DCC: variants seen among roughly 807,000 people sequenced by gnomAD.
The protein encoded by DCC is DCC netrin 1 receptor, also known as netrin receptor DCC.
In DCC, 58 loss-of-function variants were observed where a neutral mutation model predicts 172.5. That is an observed-to-expected ratio of 0.34 (90% CI 0.27 to 0.42). The LOEUF is 0.42. Ranked by LOEUF, DCC falls within the 10% of genes least tolerant of loss-of-function variation. DCC has a pLI of 1.00. For synonymous variants in DCC, 709 were observed against 644.5 expected, an observed-to-expected ratio of 1.10 and a Z score of -1.52; for missense variants, 1,740 against 1,791.0, an observed-to-expected ratio of 0.97 and a Z score of 0.51.
chr18:53,000,853 C>T (rs2041554905), intron 5 of DCC, among the ~76,000 whole-genome samples: 1 of 151,884 alleles, frequency 6.6e-6, no homozygotes, highest in Non-Finnish European at 1.5e-5. Flanking sequence ...TACTTGAATG[C>T]ATTATATTAA....
At chr18:52,893,251 G>A (rs1205397079) in intron 2 of DCC, among the ~76,000 whole-genome samples, 1 of 152,050 alleles carries the variant, frequency 6.6e-6, no homozygotes, top group Non-Finnish European at 1.5e-5. Flanking sequence ...ATATTGAGAA[G>A]AGGGTAGTCC....
At chr18:53,389,861 G>A (rs920365478) in intron 16 of DCC, among the ~76,000 whole-genome samples, 3 of 152,136 alleles carry the variant, frequency 2.0e-5, no homozygotes, top group Non-Finnish European at 2.9e-5. Flanking sequence ...ATTTCAAAAC[G>A]TTATGTATGG....
chr18:53,004,254 A>T (rs927042520), intron 5 of DCC, among the ~76,000 whole-genome samples: 9 of 152,208 alleles, frequency 5.9e-5, no homozygotes, highest in African/African-American at 2.2e-4. Context: ...AGCTTTTATC[A>T]GATTTTGAAA....
chr18:52,731,636 C>T (rs8084694), intron 1 of DCC, among the ~76,000 whole-genome samples: 148,918 of 152,272 alleles, frequency 0.98, 72,894 homozygotes, highest in East Asian at 1. Flanking sequence ...ATGTAAACAG[C>T]GATTGACTTC....
At chr18:53,320,350 GC>G (rs1290713710) in intron 13 of DCC, among the ~76,000 whole-genome samples, 3 of 152,140 alleles carry the variant, frequency 2.0e-5, no homozygotes, top group Non-Finnish European at 4.4e-5. Context: ...GGGATTACAG[GC>G]ATGAGCCACC....
At chr18:52,951,686 A>G (rs2040650779) in intron 5 of DCC, among the ~76,000 whole-genome samples, 1 of 152,152 alleles carries the variant, frequency 6.6e-6, no homozygotes, top group African/African-American at 2.4e-5. Context: ...GTAGACTCCT[A>G]TGGGAAAAGT....
intron 2 of DCC, among the ~76,000 whole-genome samples, chr18:52,799,882 G>A (rs2037951146): frequency 6.6e-6 from 1 of 152,118 alleles, no homozygotes; most frequent in South Asian, 2.1e-4. Context: ...CTAGTTTGTT[G>A]TTGGGTGTGG....
At chr18:52,582,885 C>T (rs2033585332) in intron 1 of DCC, among the ~76,000 whole-genome samples, 1 of 152,076 alleles carries the variant, frequency 6.6e-6, no homozygotes, top group Admixed American at 6.6e-5. Context: ...GTGTCTTTGA[C>T]AGTTTAATAA....
chr18:52,526,549 T>A (rs535089113), intron 1 of DCC, among the ~76,000 whole-genome samples: 12 of 152,212 alleles, frequency 7.9e-5, no homozygotes, highest in African/African-American at 2.9e-4. Flanking sequence ...GCCAGCCTTT[T>A]CTATCTCATG....
intron 1 of DCC, among the ~76,000 whole-genome samples, chr18:52,405,912 C>A (rs1382182043): frequency 2.0e-5 from 3 of 151,834 alleles, no homozygotes; most frequent in African/African-American, 7.3e-5. Context: ...CACTACCTGA[C>A]TTCAAACTAT....
At chr18:52,905,557 G>T (rs1271286108) in intron 2 of DCC, among the ~76,000 whole-genome samples, 1 of 152,148 alleles carries the variant, frequency 6.6e-6, no homozygotes, top group Non-Finnish European at 1.5e-5. Flanking sequence ...CTTTCTTGAA[G>T]CTGCTCTAGG....
intron 7 of DCC, among the ~76,000 whole-genome samples, chr18:53,154,255 T>A (rs1943814644): frequency 6.6e-6 from 1 of 152,158 alleles, no homozygotes. Context: ...GCCATATAGA[T>A]AATGCACTCT....
intron 15 of DCC, among the ~76,000 whole-genome samples, chr18:53,363,187 C>T (rs1401590737): frequency 6.6e-6 from 1 of 152,086 alleles, no homozygotes; most frequent in South Asian, 2.1e-4. Context: ...CATTAGGTGA[C>T]GTACCTTTCA....
At chr18:53,129,788 C>T (rs978796771) in intron 7 of DCC, among the ~76,000 whole-genome samples, 6 of 152,066 alleles carry the variant, frequency 3.9e-5, no homozygotes, top group African/African-American at 1.4e-4. Flanking sequence ...TTAATAAAAG[C>T]TGCTATGAAC....
At chr18:52,446,875 G>T (rs1328507072) in intron 1 of DCC, among the ~76,000 whole-genome samples, 8 of 152,106 alleles carry the variant, frequency 5.3e-5, no homozygotes, top group African/African-American at 1.9e-4. Context: ...TAAATCTTGG[G>T]TTTATATTAC....
At chr18:52,458,375 C>T (rs1490039479) in intron 1 of DCC, among the ~76,000 whole-genome samples, 2 of 152,162 alleles carry the variant, frequency 1.3e-5, no homozygotes, top group East Asian at 1.9e-4. Context: ...CCCCTGACTG[C>T]GTGTCTTAGG....
intron 1 of DCC, among the ~76,000 whole-genome samples, chr18:52,410,048 GC>G (rs1986792073): frequency 6.6e-6 from 1 of 152,106 alleles, no homozygotes; most frequent in African/African-American, 2.4e-5. Context: ...TCTCTGTAAT[GC>G]CACATCAGTG....
intron 5 of DCC, among the ~76,000 whole-genome samples, chr18:52,991,421 G>C (rs538528916): frequency 1.3e-5 from 2 of 152,184 alleles, no homozygotes; most frequent in Admixed American, 6.6e-5. Flanking sequence ...GGCGTATTAG[G>C]AGAGTAAATA....
chr18:53,188,688 A>T (rs1378077231), intron 9 of DCC, among the ~76,000 whole-genome samples: 4 of 152,130 alleles, frequency 2.6e-5, no homozygotes, highest in Non-Finnish European at 5.9e-5. Context: ...AACAAAATGT[A>T]TTTTCTGACC....
Sources: gnomAD v4.1 joint callset for allele counts (sites outside exome capture counted in the v4.1 genomes callset) on GRCh38, gnomAD v4.1.1 for gene constraint, MANE v1.5 for transcripts, NCBI Gene and HGNC (gene_info 2026-07-23, HGNC 2026-07-21) for gene names.